The following NFIA variants were observed in gnomAD, a reference collection of about 807,000 sequenced individuals.
NFIA encodes the protein nuclear factor 1 A-type.
Under a neutral mutation model 62.8 loss-of-function variants are expected in NFIA, and 8 were observed. The ratio of observed to expected loss-of-function variants is 0.13; its 90% CI spans 0.07 to 0.23. The LOEUF (loss-of-function observed/expected upper bound fraction) is 0.23. NFIA is among the 10% of genes least tolerant of loss of function. NFIA has a pLI of 1.00. For synonymous variants in NFIA, 235 were observed against 238.1 expected, an observed-to-expected ratio of 0.99 and a Z score of 0.12; for missense variants, 410 against 642.1, an observed-to-expected ratio of 0.64 and a Z score of 3.91.
chr1:61,239,071 C>A (rs1369563647), intron 2 of NFIA, among the ~76,000 whole-genome samples: 1 of 152,008 alleles, frequency 6.6e-6, no homozygotes, highest in Non-Finnish European at 1.5e-5. Context: ...TAAAAGCAAT[C>A]CCAATCTTGC....
At chr1:61,195,467 T>G (rs1651928558) in intron 2 of NFIA, among the ~76,000 whole-genome samples, 2 of 152,200 alleles carry the variant, frequency 1.3e-5, no homozygotes, top group Non-Finnish European at 2.9e-5. Context: ...AACAATGTTG[T>G]TCTCCTGACC....
upstream of NFIA, among the ~76,000 whole-genome samples, chr1:61,080,802 C>A (rs933192998): frequency 5.9e-5 from 9 of 152,098 alleles, 1 homozygote; most frequent in African/African-American, 2.2e-4. Context: ...CTTGAGCATT[C>A]GGGAATTATT....
At chr1:61,199,067 A>C (rs1271769811) in intron 2 of NFIA, among the ~76,000 whole-genome samples, 2 of 152,178 alleles carry the variant, frequency 1.3e-5, no homozygotes, top group Non-Finnish European at 2.9e-5. Flanking sequence ...AGGGAGAAGG[A>C]GTGGTGTGAA....
chr1:61,332,364 C>T, intron 3 of NFIA, 148 bp from the exon 4 acceptor site: 2 of 637,328 alleles, frequency 3.1e-6, no homozygotes, highest in East Asian at 3.0e-5. Context: ...AGCTAAATGA[C>T]TGTGCCCTCC....
At chr1:61,106,686 A>G (rs1646606825) in intron 2 of NFIA, among the ~76,000 whole-genome samples, 3 of 151,688 alleles carry the variant, frequency 2.0e-5, no homozygotes, top group Non-Finnish European at 4.4e-5. Flanking sequence ...TATTTTTAAT[A>G]TAAATATATA....
chr1:61,430,773 C>G (rs141128171), intron 10 of NFIA, among the ~76,000 whole-genome samples: 3 of 152,140 alleles, frequency 2.0e-5, no homozygotes, highest in African/African-American at 7.2e-5. Context: ...CTGGCCCTGG[C>G]TTTCGGCTTT....
intron 9 of NFIA, among the ~76,000 whole-genome samples, chr1:61,409,735 G>A (rs553698271): frequency 2.2e-4 from 34 of 152,246 alleles, no homozygotes; most frequent in African/African-American, 6.5e-4. Flanking sequence ...CATATGGTCC[G>A]CCCTAGCCTG....
intron 4 of NFIA, among the ~76,000 whole-genome samples, chr1:61,344,423 C>T (rs1662102472): frequency 6.6e-6 from 1 of 152,188 alleles, no homozygotes; most frequent in African/African-American, 2.4e-5. Context: ...CCCAAAGTCT[C>T]ACTGAGTGTT....
chr1:61,165,782 C>G (rs1311948704), intron 2 of NFIA, among the ~76,000 whole-genome samples: 2 of 152,144 alleles, frequency 1.3e-5, no homozygotes, highest in Non-Finnish European at 1.5e-5. Context: ...GGTTACTCCT[C>G]AATATTACTA....
intron 4 of NFIA, among the ~76,000 whole-genome samples, chr1:61,338,445 T>G (rs773129763): frequency 5.3e-5 from 8 of 152,228 alleles, no homozygotes; most frequent in African/African-American, 7.2e-5. Context: ...TTTCTATATT[T>G]TCACACAGGA....
intron 3 of NFIA, among the ~76,000 whole-genome samples, chr1:61,318,561 C>T (rs576675869): frequency 1.0e-3 from 157 of 152,244 alleles, no homozygotes; most frequent in Middle Eastern, 3.4e-3. Flanking sequence ...GCTTGGCAGA[C>T]GCTCCCATGA....
At chr1:61,264,073 A>G (rs975139112) in intron 2 of NFIA, among the ~76,000 whole-genome samples, 3 of 152,176 alleles carry the variant, frequency 2.0e-5, no homozygotes, top group African/African-American at 7.2e-5. Context: ...CTATCTCAAG[A>G]CTGAATAATG....
intron 2 of NFIA, among the ~76,000 whole-genome samples, chr1:61,101,024 T>A (rs2100435811): frequency 6.6e-6 from 1 of 152,256 alleles, no homozygotes; most frequent in African/African-American, 2.4e-5. Context: ...TTTTTTGTTT[T>A]CTTATATCAA....
At chr1:61,198,091 G>A (rs1652165300) in intron 2 of NFIA, among the ~76,000 whole-genome samples, 1 of 152,180 alleles carries the variant, frequency 6.6e-6, no homozygotes, top group Non-Finnish European at 1.5e-5. Context: ...GCAAGGAAGA[G>A]CGGATGAAAA....
intron 2 of NFIA, among the ~76,000 whole-genome samples, chr1:61,113,383 A>T (rs765435455): frequency 6.6e-6 from 1 of 152,084 alleles, no homozygotes; most frequent in Non-Finnish European, 1.5e-5. Flanking sequence ...GCCTGAGGTC[A>T]GGAGTTTGAG....
intron 2 of NFIA, among the ~76,000 whole-genome samples, chr1:61,105,091 T>C (rs1646572728): frequency 6.6e-6 from 1 of 152,034 alleles, no homozygotes; most frequent in African/African-American, 2.4e-5. Context: ...CATCCTATTA[T>C]AACTGTTTAA....
chr1:61,085,876 A>G (rs979000031), intron 1 of NFIA, among the ~76,000 whole-genome samples: 2 of 152,162 alleles, frequency 1.3e-5, no homozygotes, highest in Non-Finnish European at 2.9e-5. Context: ...GATGAGATAT[A>G]TGGGCATTTG....
chr1:61,283,253 G>A (rs1333447271), intron 3 of NFIA, among the ~76,000 whole-genome samples: 3 of 151,924 alleles, frequency 2.0e-5, no homozygotes, highest in African/African-American at 7.3e-5. Flanking sequence ...ATAAGTTTTA[G>A]TGCAACTGAC....
At chr1:61,155,967 G>A (rs1214891255) in intron 2 of NFIA, among the ~76,000 whole-genome samples, 3 of 152,012 alleles carry the variant, frequency 2.0e-5, no homozygotes, top group Non-Finnish European at 4.4e-5. Context: ...GTGAAATCCC[G>A]TCACTACTAA....
Sources: gnomAD v4.1 joint callset for allele counts (sites outside exome capture counted in the v4.1 genomes callset) on GRCh38, gnomAD v4.1.1 for gene constraint, MANE v1.5 for transcripts, NCBI Gene and HGNC (gene_info 2026-07-23, HGNC 2026-07-21) for gene names.